Variants in STK38L observed in about 807,000 individuals in gnomAD.
The protein encoded by STK38L is serine/threonine-protein kinase 38-like.
STK38L carries 28 observed loss-of-function variants against 59.7 expected under a neutral mutation model. The ratio of observed to expected loss-of-function variants is 0.47; its 90% CI spans 0.35 to 0.64. The LOEUF is 0.64. Among genes scored for constraint, STK38L ranks in the 30% least tolerant of loss-of-function variants. STK38L has a pLI of 0.01. For synonymous variants in STK38L, 162 were observed against 176.8 expected (o/e 0.92, Z 0.66); for missense variants, 314 against 555.8 (o/e 0.56, Z 4.37).
intron 1 of STK38L, among the ~76,000 whole-genome samples, chr12:27,294,489 A>G (rs1353480470): frequency 6.8e-6 from 1 of 146,932 alleles, no homozygotes; most frequent in Admixed American, 6.9e-5. Flanking sequence ...CCTGGGCAAC[A>G]GAGTGAAATT....
At chr12:27,304,475 G>T (rs908036798) in intron 3 of STK38L, among the ~76,000 whole-genome samples, 2 of 151,940 alleles carry the variant, frequency 1.3e-5, no homozygotes, top group African/African-American at 4.8e-5. Context: ...AGAAAACTCA[G>T]ATGTTTTTAC....
At chr12:27,285,325 G>C (rs951891706) in intron 1 of STK38L, among the ~76,000 whole-genome samples, 8 of 152,168 alleles carry the variant, frequency 5.3e-5, no homozygotes, top group Non-Finnish European at 8.8e-5. Context: ...GCTGTTCAGT[G>C]ATGCAGAAGC....
intron 1 of STK38L, among the ~76,000 whole-genome samples, chr12:27,252,521 C>G (rs570649402): frequency 2.0e-5 from 3 of 152,186 alleles, no homozygotes; most frequent in African/African-American, 7.2e-5. Flanking sequence ...AATACCACAC[C>G]GTGTTTGCCC....
chr12:27,269,704 G>A (rs1272242574), intron 1 of STK38L, among the ~76,000 whole-genome samples: 6 of 152,084 alleles, frequency 3.9e-5, no homozygotes, highest in African/African-American at 1.2e-4. Context: ...GTGCAATGGC[G>A]TGATCTTGGC....
At chr12:27,266,304 C>G (rs1943299895) in intron 1 of STK38L, among the ~76,000 whole-genome samples, 1 of 152,196 alleles carries the variant, frequency 6.6e-6, no homozygotes, top group East Asian at 1.9e-4. Flanking sequence ...ATTCCCTGTG[C>G]CTGGGGAAAA....
intron 1 of STK38L, among the ~76,000 whole-genome samples, chr12:27,275,962 G>A (rs1001852739): frequency 6.6e-6 from 1 of 152,160 alleles, no homozygotes; most frequent in Non-Finnish European, 1.5e-5. Context: ...GACTAGCAGT[G>A]CCTCAGGACT....
chr12:27,320,441 G>GA (rs1555144156), intron 12 of STK38L, among the ~76,000 whole-genome samples: 1 of 93,788 alleles, frequency 1.1e-5, no homozygotes, highest in East Asian at 4.6e-4. Context: ...TAATTTTGTT[G>GA]ATTTTTTTTT....
chr12:27,293,068 C>T (rs1478761804), intron 1 of STK38L, among the ~76,000 whole-genome samples: 1 of 152,220 alleles, frequency 6.6e-6, no homozygotes, highest in Non-Finnish European at 1.5e-5. Flanking sequence ...CCTCCTGTCT[C>T]AGCCTCCCAA....
intron 1 of STK38L, among the ~76,000 whole-genome samples, chr12:27,283,518 C>G (rs1943704674): frequency 3.3e-5 from 5 of 152,174 alleles, no homozygotes; most frequent in Admixed American, 6.5e-5. Context: ...CCTGAGAGTT[C>G]TCACAGTTCA....
Position 27,322,740 on chromosome 12 carries a change from G to A in STK38L, c.*285G>A, listed in dbSNP as rs1005893051. On this transcript the variant is annotated 3_prime_UTR_variant, in exon 14 of 14. Coordinates refer to ENST00000389032, the MANE Select transcript of STK38L (RefSeq NM_015000.4). ...CTTTCTAACTGCACTGCCTACATGC[G>A]TATTAAGGTCCATTCTGCCTGTGTG... 18 of 244,006 alleles carry A rather than the reference G, an allele frequency of 7.4e-5. No individual in the cohort carries two copies. The highest frequency in any genetic ancestry group is 3.2e-4 in the African/African-American group (14 of 44,078). 15.1% of individuals were successfully genotyped at this position (244,006 alleles called of 1,614,324 possible).
intron 2 of STK38L, chr12:27,298,058 A>G (rs1408542940): frequency 3.6e-6 from 2 of 549,636 alleles, no homozygotes; most frequent in Non-Finnish European, 6.3e-6. Flanking sequence ...TTGTGCATCT[A>G]TATACCCGTA....
intron 1 of STK38L, 24 bp from the exon 2 acceptor site, chr12:27,297,674 TCCCACTGAATAA>T: frequency 6.4e-7 from 1 of 1,569,910 alleles, no homozygotes; most frequent in East Asian, 2.3e-5. Context: ...GGGTTTTTTT[TCCCACTGAATAA>T]TTTGTTTTTC....
intron 5 of STK38L, among the ~76,000 whole-genome samples, chr12:27,311,993 C>T (rs1205583169): frequency 6.6e-6 from 1 of 152,066 alleles, no homozygotes; most frequent in Non-Finnish European, 1.5e-5. Context: ...GATTCTCCTG[C>T]CTCAGCCTCC....
intron 10 of STK38L, 150 bp from the exon 11 acceptor site, chr12:27,317,746 C>A: frequency 2.1e-6 from 2 of 943,706 alleles, no homozygotes; most frequent in Non-Finnish European, 3.1e-6. Context: ...ACTTTATTAG[C>A]AACGTGATTG....
At chr12:27,290,804 G>T (rs1943879968) in intron 1 of STK38L, among the ~76,000 whole-genome samples, 1 of 152,210 alleles carries the variant, frequency 6.6e-6, no homozygotes, top group African/African-American at 2.4e-5. Context: ...AGCTGACAGA[G>T]CTCATTGTGG....
At chr12:27,266,878 T>C (rs981633058) in intron 1 of STK38L, among the ~76,000 whole-genome samples, 1 of 152,216 alleles carries the variant, frequency 6.6e-6, no homozygotes, top group African/African-American at 2.4e-5. Context: ...GTTCCTTCCT[T>C]CATAGGTTCA....
intron 3 of STK38L, among the ~76,000 whole-genome samples, chr12:27,307,241 T>G (rs1019621360): frequency 6.6e-6 from 1 of 152,258 alleles, no homozygotes; most frequent in African/African-American, 2.4e-5. Context: ...ACCATTGGTG[T>G]GCCTTAGTGT....
chr12:27,289,713 T>G (rs1010321242), intron 1 of STK38L, among the ~76,000 whole-genome samples: 4 of 152,218 alleles, frequency 2.6e-5, no homozygotes, highest in Non-Finnish European at 5.9e-5. Flanking sequence ...GTAAAGAGAT[T>G]ACAAATAAAT....
chr12:27,279,496 G>A (rs368203235), intron 1 of STK38L, among the ~76,000 whole-genome samples: 1 of 151,882 alleles, frequency 6.6e-6, no homozygotes, highest in Admixed American at 6.6e-5. Flanking sequence ...AGGCCGAGGC[G>A]GGTGGATCAC....
Sources: allele counts gnomAD v4.1 joint callset (sites outside exome capture counted in the v4.1 genomes callset), GRCh38; gene constraint gnomAD v4.1.1; transcripts MANE v1.5; gene names NCBI Gene and HGNC (gene_info 2026-07-23, HGNC 2026-07-21).